LPP: variants seen among roughly 807,000 people sequenced by gnomAD.
LPP encodes the protein LIM domain containing preferred translocation partner in lipoma.
In LPP, 38 loss-of-function variants were observed where a neutral mutation model predicts 60.4. The observed-to-expected ratio is 0.63, with a 90% confidence interval of 0.49 to 0.83. The LOEUF is 0.83. Ranked by LOEUF, LPP falls within the 40% of genes least tolerant of loss-of-function variation. LPP has a pLI of 0.00. For missense variants in LPP, 902 were observed against 783.6 expected, an observed-to-expected ratio of 1.15 and a Z score of -1.80; for synonymous variants, 328 against 290.8, an observed-to-expected ratio of 1.13 and a Z score of -1.30.
At chr3:188,792,098 C>T (rs975552495) in intron 9 of LPP, among the ~76,000 whole-genome samples, 3 of 152,142 alleles carry the variant, frequency 2.0e-5, no homozygotes, top group Non-Finnish European at 4.4e-5. Flanking sequence ...CACTGCCATC[C>T]TCCTGGTTCT....
intron 3 of LPP, among the ~76,000 whole-genome samples, chr3:188,373,014 A>G (rs926752592): frequency 1.5e-5 from 2 of 132,980 alleles, no homozygotes; most frequent in African/African-American, 5.3e-5. Context: ...AGCTTCATCC[A>G]TGTCCCTACA....
At chr3:188,667,830 A>G (rs1399430010) in intron 7 of LPP, among the ~76,000 whole-genome samples, 1 of 151,350 alleles carries the variant, frequency 6.6e-6, no homozygotes, top group Non-Finnish European at 1.5e-5. Flanking sequence ...TGTGAATCTG[A>G]AAAGAGAGGT....
At chr3:188,663,475 T>C (rs1200247067) in intron 7 of LPP, among the ~76,000 whole-genome samples, 1 of 152,216 alleles carries the variant, frequency 6.6e-6, no homozygotes, top group Non-Finnish European at 1.5e-5. Flanking sequence ...TTTACTTTTC[T>C]TTTCTCCACC....
chr3:188,711,414 G>A (rs1192463678), intron 8 of LPP: 1 of 152,096 alleles, frequency 6.6e-6, no homozygotes, highest in Non-Finnish European at 1.5e-5. Context: ...CTAATACATT[G>A]CAGAACTGAA....
At chr3:188,655,724 T>C (rs1853041917) in intron 7 of LPP, among the ~76,000 whole-genome samples, 1 of 152,174 alleles carries the variant, frequency 6.6e-6, no homozygotes, top group Non-Finnish European at 1.5e-5. Context: ...GGAGGATATC[T>C]ACTAGAAATC....
intron 4 of LPP, among the ~76,000 whole-genome samples, chr3:188,457,145 A>C (rs990196332): frequency 2.0e-5 from 3 of 152,218 alleles, no homozygotes; most frequent in African/African-American, 7.2e-5. Context: ...GGTCCTGCTC[A>C]AAAATGGAGC....
intron 2 of LPP, among the ~76,000 whole-genome samples, chr3:188,231,505 T>A (rs1719942808): frequency 6.6e-6 from 1 of 152,192 alleles, no homozygotes; most frequent in African/African-American, 2.4e-5. Context: ...CATGCCGTGT[T>A]CCCTTACCTC....
At chr3:188,615,192 T>C (rs1844616938) in intron 7 of LPP, among the ~76,000 whole-genome samples, 1 of 152,184 alleles carries the variant, frequency 6.6e-6, no homozygotes, top group Admixed American at 6.5e-5. Flanking sequence ...CCAAACTGGA[T>C]TTCTAGTTTT....
chr3:188,244,019 C>T (rs369337657), intron 2 of LPP, among the ~76,000 whole-genome samples: 15 of 152,074 alleles, frequency 9.9e-5, no homozygotes, highest in South Asian at 2.1e-4. Context: ...TACAGGTGCC[C>T]GTCACCACGC....
At chr3:188,651,292 T>G (rs1280608225) in intron 7 of LPP, among the ~76,000 whole-genome samples, 1 of 152,162 alleles carries the variant, frequency 6.6e-6, no homozygotes, top group African/African-American at 2.4e-5. Flanking sequence ...AATACTCCTT[T>G]GTGTAACTCA....
intron 3 of LPP, among the ~76,000 whole-genome samples, chr3:188,405,203 A>G (rs779109621): frequency 1.3e-5 from 2 of 152,142 alleles, no homozygotes; most frequent in Non-Finnish European, 1.5e-5. Context: ...TGGGGCAACC[A>G]ATATGCCCCT....
In LPP at chr3:188,346,251, C is replaced by CTTTTTTTTTTTTTTTTTTTTTTT. The variant is rs1050679907; in HGVS notation, c.-10+4536_-10+4558dup. On this transcript the variant is annotated intron_variant, in intron 3 of 11. Coordinates refer to ENST00000617246, the MANE Select transcript of LPP (RefSeq NM_001375462.1). The stretch of plus-strand genomic sequence containing the variant: ...CAGGGACCTGCCTAAAGTAGCAAAT[C>CTTTTTTTTTTTTTTTTTTTTTTT]TTTTTTTTTTTTTTTTTTTTTTTTT... 2.0e-4 allele frequency among the ~76,000 whole-genome samples: 18 copies of CTTTTTTTTTTTTTTTTTTTTTTT among 88,340 alleles called. 1 individual carries two copies. Among genetic ancestry groups the CTTTTTTTTTTTTTTTTTTTTTTT allele is most frequent in the African/African-American group, 8.4e-4 (16 of 19,120 alleles). The allele number at this position is 88,340 out of a possible 152,430, so 58.0% of individuals were successfully genotyped here.
At chr3:188,852,201 C>G (rs1762831264) in intron 9 of LPP, among the ~76,000 whole-genome samples, 1 of 152,074 alleles carries the variant, frequency 6.6e-6, no homozygotes, top group Non-Finnish European at 1.5e-5. Flanking sequence ...TTGATTGTGT[C>G]TCAAGTGGGC....
chr3:188,609,120 T>G lies in LPP; in HGVS notation c.430-41T>G. On this transcript the variant is annotated intron_variant, in intron 6 of 11. Coordinates refer to ENST00000617246, the MANE Select transcript of LPP (RefSeq NM_001375462.1). The surrounding 1 kb of genome is among the most constrained non-coding windows in gnomAD (Gnocchi z 6.9). ...TTTTATTGAGTTTCGTTGGCAGTAA[T>G]TTTTGCTTTCTTTCTTTCTTTTTTT... The G allele has an allele frequency of 7.0e-7, 1 of 1,431,606 alleles. No homozygotes were observed. The allele number at this position is 1,431,606 out of a possible 1,614,324, so 88.7% of individuals were successfully genotyped here.
intron 8 of LPP, among the ~76,000 whole-genome samples, chr3:188,728,920 C>T (rs1194466790): frequency 6.6e-6 from 1 of 151,284 alleles, no homozygotes; most frequent in African/African-American, 2.4e-5. Flanking sequence ...GGTCTCTGCC[C>T]CCAAGAAGTC....
intron 7 of LPP, among the ~76,000 whole-genome samples, chr3:188,703,857 C>G (rs767186970): frequency 5.3e-5 from 8 of 152,116 alleles, no homozygotes; most frequent in Non-Finnish European, 1.0e-4. Flanking sequence ...GGGGTAGAAT[C>G]TAAATTTCTG....
At chr3:188,647,412 G>A (rs1851312892) in intron 7 of LPP, among the ~76,000 whole-genome samples, 1 of 152,200 alleles carries the variant, frequency 6.6e-6, no homozygotes, top group African/African-American at 2.4e-5. Flanking sequence ...TTGCCTGCAA[G>A]GACTGTAAAC....
In LPP at chr3:188,492,003, T is replaced by A. The variant is rs143292414; in HGVS notation, c.306+7299T>A. Among the ~76,000 whole-genome samples, 115 of 152,292 alleles carry A rather than the reference T, an allele frequency of 7.6e-4. No homozygotes were observed. In the East Asian group the frequency reaches 0.018, roughly 24 times the overall value. ...ACACATACCCACCTACTCACCTATA[T>A]CAACCTGATTACCACTGCCACCACT... On this transcript the variant is annotated intron_variant, in intron 5 of 11. Coordinates refer to ENST00000617246, the MANE Select transcript of LPP (RefSeq NM_001375462.1).
intron 8 of LPP, among the ~76,000 whole-genome samples, chr3:188,741,938 CAAG>C (rs774625734): frequency 5.7e-4 from 86 of 151,770 alleles, no homozygotes; most frequent in Non-Finnish European, 1.1e-3. Flanking sequence ...TATTAAAACT[CAAG>C]AAGAAGACAA....
Sources: gnomAD v4.1 joint callset for allele counts (sites outside exome capture counted in the v4.1 genomes callset) on GRCh38, gnomAD v4.1.1 for gene constraint, Gnocchi (gnomAD v3.1) non-coding constraint, MANE v1.5 for transcripts, NCBI Gene and HGNC (gene_info 2026-07-23, HGNC 2026-07-21) for gene names.